The following GPAT3 variants were observed in gnomAD, a reference collection of about 807,000 sequenced individuals.
GPAT3 encodes the protein glycerol-3-phosphate acyltransferase 3.
In GPAT3, 53 loss-of-function variants were observed where a neutral mutation model predicts 58.8. That is an observed-to-expected ratio of 0.90 (90% CI 0.72 to 1.13). The LOEUF is 1.13. Among genes scored for constraint, GPAT3 ranks in the 50% most tolerant of loss-of-function variants. The probability of loss-of-function intolerance (pLI) is 0.00; values close to 1 mark genes in which losing one functional copy is unlikely to be tolerated. For synonymous variants in GPAT3, 197 were observed against 187.4 expected (o/e 1.05, Z -0.42); for missense variants, 511 against 527.6 (o/e 0.97, Z 0.31).
intron 1 of GPAT3, among the ~76,000 whole-genome samples, chr4:83,538,684 A>G (rs903820374): frequency 6.6e-6 from 1 of 152,146 alleles, no homozygotes; most frequent in African/African-American, 2.4e-5. Flanking sequence ...AAATTATTAT[A>G]CCTGATAGGA....
intron 6 of GPAT3, among the ~76,000 whole-genome samples, chr4:83,594,141 C>T (rs1367824553): frequency 6.6e-6 from 1 of 152,082 alleles, no homozygotes; most frequent in Non-Finnish European, 1.5e-5. Flanking sequence ...ACAATATCTC[C>T]TGGAAATTAC....
In GPAT3 at chr4:83,588,360, G is replaced by A. The variant is rs975452002; in HGVS notation, c.644+61G>A. 2.0e-5 allele frequency: 30 copies of A among 1,485,980 alleles called. No individual in the cohort carries two copies. The African/African-American group carries it at 3.6e-4, about 18-fold the overall frequency. The allele number at this position is 1,485,980 out of a possible 1,614,324, so 92.0% of individuals were successfully genotyped here. A position where few individuals can be genotyped will look rare whatever the true frequency, so the allele number is the denominator to read the frequency against. On this transcript the variant is annotated intron_variant, in intron 5 of 11. Transcript: ENST00000264409. ...GGTCAATTCAGCATGAGATTGACAAGGAAGCATTGGAAGTGGTTGGGAAGA... is the reference window on the plus strand; with the variant it reads ...GGTCAATTCAGCATGAGATTGACAAAGAAGCATTGGAAGTGGTTGGGAAGA...
intron 6 of GPAT3, among the ~76,000 whole-genome samples, chr4:83,593,337 G>A (rs1488971577): frequency 6.6e-6 from 1 of 150,724 alleles, no homozygotes; most frequent in Admixed American, 6.6e-5. Flanking sequence ...GCTAATTTTT[G>A]TAGTTTGTAG....
intron 2 of GPAT3, among the ~76,000 whole-genome samples, chr4:83,561,644 A>G (rs1466309003): frequency 6.6e-6 from 1 of 152,190 alleles, no homozygotes; most frequent in Non-Finnish European, 1.5e-5. Flanking sequence ...AGTGTTCAGC[A>G]TCTGATGTTC....
intron 11 of GPAT3, among the ~76,000 whole-genome samples, chr4:83,603,573 C>T (rs1441227109): frequency 1.3e-5 from 2 of 152,046 alleles, no homozygotes; most frequent in Admixed American, 6.6e-5. Context: ...GGCAGATCAC[C>T]TGGGGTTGGG....
At chr4:83,599,623 A>G (rs1417793497) in intron 11 of GPAT3, among the ~76,000 whole-genome samples, 1 of 152,204 alleles carries the variant, frequency 6.6e-6, no homozygotes, top group East Asian at 1.9e-4. Context: ...AACTCTAGCT[A>G]TAACTATATT....
chr4:83,588,166 A>G, intron 4 of GPAT3, 44 bp from the exon 5 acceptor site: 1 of 1,554,750 alleles, frequency 6.4e-7, no homozygotes. Flanking sequence ...TTGTTTCTTA[A>G]GAGTGCCCAG....
Position 83,544,578 on chromosome 4 carries a change from A to G in GPAT3, c.184A>G (p.Ile62Val), listed in dbSNP as rs186766919. The change falls in exon 2 of 12, where the codon ATT becomes GTT. Residue 62 changes from isoleucine to valine, a missense_variant. Coordinates refer to ENST00000264409, the MANE Select transcript of GPAT3 (RefSeq NM_032717.5). ...RIEKGTPKESILKNSASVGII... is the reference protein window; with the variant it reads ...RIEKGTPKESVLKNSASVGII... ...TGAAAAAGGAACCCCAAAGGAGTCG[A>G]TTCTTAAAAACTCTGCTTCTGTTGG... The G allele has an allele frequency of 4.6e-4, 747 of 1,614,108 alleles. 6 individuals carry two copies. The Admixed American group carries it at 9.8e-3, about 21-fold the overall frequency.
intron 2 of GPAT3, 60 bp downstream of exon 2, chr4:83,544,662 C>A: frequency 6.7e-7 from 1 of 1,502,056 alleles, no homozygotes; most frequent in South Asian, 1.1e-5. Flanking sequence ...TGTAAACCTA[C>A]CCAATTTGAA....
In GPAT3 at chr4:83,547,414, A is replaced by G. The variant is rs552216396; in HGVS notation, c.208+2812A>G. On this transcript the variant is annotated intron_variant, in intron 2 of 11. Transcript: ENST00000264409. ...ACTACAGGTGCCCGCCACCACGCCC[A>G]GCTAATTTTTTGTATTTTTAGTAGA... Among the ~76,000 whole-genome samples, 1,047 of 151,198 alleles carry G rather than the reference A, an allele frequency of 6.9e-3. 13 individuals carry two copies. The highest frequency in any genetic ancestry group is 0.022 in the African/African-American group (907 of 41,156).
At chr4:83,542,631 A>T in intron 1 of GPAT3, among the ~76,000 whole-genome samples, 1 of 152,316 alleles carries the variant, frequency 6.6e-6, no homozygotes, top group East Asian at 1.9e-4. Flanking sequence ...TTTGAAAAAA[A>T]TTTTAACCTC....
Position 83,598,686 on chromosome 4 carries a change from G to A in GPAT3, c.1168G>A (p.Ala390Thr). 2 of 1,503,910 alleles carry A rather than the reference G, an allele frequency of 1.3e-6. No individual in the cohort carries two copies. Among genetic ancestry groups the A allele is most frequent in the South Asian group, 2.3e-5 (2 of 88,418 alleles). 93.2% of individuals were successfully genotyped at this position (1,503,910 alleles called of 1,614,324 possible). A position where few individuals can be genotyped will look rare whatever the true frequency, so the allele number is the denominator to read the frequency against. The change falls in exon 11 of 12, where the codon GCT becomes ACT. Residue 390 changes from alanine (A) to threonine (T), a missense_variant. Physicochemically the swap from Ala to Thr is moderately conservative, Grantham distance 58. Transcript: ENST00000264409. ...CCAGTTTGCTAACAGGGTTAAGTCT[G>A]CTATTGCTATACAAGGAGGCCTGAC... The part of the protein sequence containing the change: ...AVQFANRVKS[A>T]IAIQGGLTEL...
chr4:83,591,125 T>C (rs1726584012), intron 6 of GPAT3, among the ~76,000 whole-genome samples: 1 of 152,122 alleles, frequency 6.6e-6, no homozygotes, highest in South Asian at 2.1e-4. Flanking sequence ...TGGGTTTTAT[T>C]TCACTTACCA....
In GPAT3 at chr4:83,536,371, G is replaced by A. The variant is rs1206137423; in HGVS notation, c.-252G>A. ...CGCTACCCAGGTCTCCGCACGCCGC[G>A]GTGGCTTCAGCCCAGACCTGGGCAG... On this transcript the variant is annotated 5_prime_UTR_variant, in exon 1 of 12. Transcript: ENST00000264409. 3.3e-6 allele frequency: 4 copies of A among 1,230,320 alleles called. No individual in the cohort carries two copies. The highest frequency in any genetic ancestry group is 8.6e-5 in the Admixed American group (2 of 23,390). The allele number at this position is 1,230,320 out of a possible 1,614,324, so 76.2% of individuals were successfully genotyped here.
intron 7 of GPAT3, 194 bp downstream of exon 7, chr4:83,595,154 T>C: frequency 2.1e-6 from 1 of 475,626 alleles, no homozygotes; most frequent in Non-Finnish European, 3.8e-6. Flanking sequence ...CATGGTAGGA[T>C]ATATGATGGG....
chr4:83,569,573 G>T (rs1209967168), intron 2 of GPAT3, among the ~76,000 whole-genome samples: 1 of 152,110 alleles, frequency 6.6e-6, no homozygotes, highest in African/African-American at 2.4e-5. Context: ...TAGGGAAGCT[G>T]CTTCTGCCGT....
intron 2 of GPAT3, among the ~76,000 whole-genome samples, chr4:83,555,776 G>A (rs892651380): frequency 1.3e-5 from 2 of 152,080 alleles, no homozygotes; most frequent in Non-Finnish European, 1.5e-5. Flanking sequence ...AAGTGGAGGC[G>A]GTCTTGTAGA....
At chr4:83,541,969 A>G (rs1198276758) in intron 1 of GPAT3, among the ~76,000 whole-genome samples, 1 of 152,152 alleles carries the variant, frequency 6.6e-6, no homozygotes, top group Non-Finnish European at 1.5e-5. Context: ...ATTAGGGCCC[A>G]CCCTAAGGGC....
chr4:83,593,482 T>C (rs1726689046), intron 6 of GPAT3, among the ~76,000 whole-genome samples: 2 of 152,158 alleles, frequency 1.3e-5, no homozygotes, highest in Non-Finnish European at 2.9e-5. Flanking sequence ...TACTATTTAT[T>C]TCTAATATTT....
Sources: gnomAD v4.1 joint callset for allele counts (sites outside exome capture counted in the v4.1 genomes callset) on GRCh38, gnomAD v4.1.1 for gene constraint, MANE v1.5 for transcripts, NCBI Gene and HGNC (gene_info 2026-07-23, HGNC 2026-07-21) for gene names.